CTSS: variants seen among roughly 807,000 people sequenced by gnomAD.
CTSS encodes cathepsin S.
CTSS carries 15 observed loss-of-function variants against 39.9 expected under a neutral mutation model. The ratio of observed to expected loss-of-function variants is 0.38; its 90% CI spans 0.25 to 0.58. CTSS has a LOEUF of 0.58. CTSS is among the 20% of genes least tolerant of loss of function. The pLI is 0.70. For missense variants in CTSS, 250 were observed against 398.2 expected (o/e 0.63, Z 3.17); for synonymous variants, 126 against 138.2 (o/e 0.91, Z 0.62).
chr1:150,764,835 G>A (rs1328081498), intron 1 of CTSS, 71 bp from the exon 2 acceptor site: 11 of 1,559,016 alleles, frequency 7.1e-6, no homozygotes, highest in Non-Finnish European at 9.7e-6. Context: ...GTTTTCATAA[G>A]AGAAAATAAC....
intron 4 of CTSS, among the ~76,000 whole-genome samples, chr1:150,752,740 T>C (rs1653032048): frequency 1.3e-5 from 2 of 152,240 alleles, no homozygotes; most frequent in African/African-American, 4.8e-5. Context: ...ATGTGGTTTA[T>C]TGGGTCTTCT....
Position 150,755,019 on chromosome 1 carries a change from A to AACAC in CTSS, c.377_380dup (p.Thr128CysfsTer3). 6.2e-7 allele frequency: 1 copy of AACAC among 1,614,072 alleles called. No individual in the cohort carries two copies. The highest frequency in any genetic ancestry group is 8.5e-7 in the Non-Finnish European group (1 of 1,179,962). On this transcript the variant is annotated frameshift_variant, in exon 4 of 8. Coordinates refer to ENST00000368985, the MANE Select transcript of CTSS (RefSeq NM_004079.5). LOFTEE classifies it high-confidence loss of function. ...TACTCACTTGATATTTCACTTCAGT[A>AACAC]ACACACCCTTTCTCTCTCCAGTCCA... is the stretch of plus-strand genomic sequence containing the variant.
At chr1:150,742,989 T>C (rs1328008730) in intron 7 of CTSS, among the ~76,000 whole-genome samples, 1 of 152,048 alleles carries the variant, frequency 6.6e-6, no homozygotes, top group African/African-American at 2.4e-5. Context: ...AAATTGGAAG[T>C]TGGACAAGGA....
chr1:150,744,472 A>C (rs1296083774), intron 7 of CTSS, among the ~76,000 whole-genome samples: 2 of 54,998 alleles, frequency 3.6e-5, no homozygotes, highest in African/African-American at 1.3e-4. Flanking sequence ...ATAATATATT[A>C]TATATTATAT....
chr1:150,746,915 G>A (rs937307305), intron 7 of CTSS, among the ~76,000 whole-genome samples: 2 of 152,136 alleles, frequency 1.3e-5, no homozygotes, highest in African/African-American at 4.8e-5. Flanking sequence ...CTCAGTAGAA[G>A]AGTTATAAGC....
intron 6 of CTSS, among the ~76,000 whole-genome samples, 155 bp downstream of exon 6, chr1:150,749,851 C>T (rs988962044): frequency 4.0e-5 from 6 of 151,728 alleles, no homozygotes; most frequent in Non-Finnish European, 7.4e-5. Flanking sequence ...ATAAGGGTCT[C>T]GCGATGTTGC....
intron 6 of CTSS, chr1:150,748,400 C>T (rs587713437): frequency 1.3e-5 from 2 of 152,132 alleles, no homozygotes; most frequent in East Asian, 3.8e-4. Flanking sequence ...TAGCATCACT[C>T]CAGTCATAGT....
At chr1:150,743,751 T>A (rs1276172478) in intron 7 of CTSS, among the ~76,000 whole-genome samples, 10 of 9,396 alleles carry the variant, frequency 1.1e-3, no homozygotes, top group African/African-American at 4.6e-3. Context: ...ATATTATATA[T>A]TATATGTATA....
At chr1:150,743,458 G>A (rs1652810039) in intron 7 of CTSS, among the ~76,000 whole-genome samples, 1 of 144,932 alleles carries the variant, frequency 6.9e-6, no homozygotes, top group Non-Finnish European at 1.5e-5. Flanking sequence ...TGCGGTGGTG[G>A]CTCACGCCTG....
chr1:150,735,901 C>T (rs1343273155), intron 7 of CTSS, among the ~76,000 whole-genome samples: 7 of 151,854 alleles, frequency 4.6e-5, no homozygotes, highest in South Asian at 2.1e-4. Context: ...GAATTACAGG[C>T]GCCCACCACC....
At chr1:150,740,738 T>C (rs1452509815) in intron 7 of CTSS, among the ~76,000 whole-genome samples, 1 of 151,332 alleles carries the variant, frequency 6.6e-6, no homozygotes, top group Non-Finnish European at 1.5e-5. Context: ...TCACTGAAGC[T>C]AGAGTTGAGT....
intron 7 of CTSS, among the ~76,000 whole-genome samples, chr1:150,741,336 A>C (rs980883650): frequency 6.6e-6 from 1 of 152,164 alleles, no homozygotes; most frequent in East Asian, 1.9e-4. Context: ...ATTTATGTGT[A>C]TCTTTTTTCA....
chr1:150,752,066 C>A, intron 4 of CTSS, 58 bp from the exon 5 acceptor site: 2 of 1,574,450 alleles, frequency 1.3e-6, no homozygotes, highest in Non-Finnish European at 1.7e-6. Context: ...GAATGACTTC[C>A]ATAACCCAAA....
intron 2 of CTSS, among the ~76,000 whole-genome samples, chr1:150,759,070 A>G (rs1653198416): frequency 6.9e-6 from 1 of 144,052 alleles, no homozygotes; most frequent in African/African-American, 2.6e-5. Context: ...GGGTCTCCCT[A>G]TGTTGCCTAG....
At chr1:150,750,365 T>C (rs1652984153) in intron 5 of CTSS, among the ~76,000 whole-genome samples, 194 bp from the exon 6 acceptor site, 1 of 152,204 alleles carries the variant, frequency 6.6e-6, no homozygotes, top group South Asian at 2.1e-4. Context: ...ACAGAACTAT[T>C]CTATTCTTTC....
At chr1:150,738,664 C>A (rs1571092625) in intron 7 of CTSS, among the ~76,000 whole-genome samples, 1 of 151,598 alleles carries the variant, frequency 6.6e-6, no homozygotes, top group Non-Finnish European at 1.5e-5. Context: ...AAAAAAAAAA[C>A]TATCTGTAGA....
intron 7 of CTSS, among the ~76,000 whole-genome samples, chr1:150,747,169 G>A (rs1328880772): frequency 6.6e-6 from 1 of 152,184 alleles, no homozygotes; most frequent in Non-Finnish European, 1.5e-5. Context: ...GGAGGTCTCA[G>A]ATGAATCCAT....
chr1:150,764,902 C>G, intron 1 of CTSS, 138 bp from the exon 2 acceptor site: 1 of 980,586 alleles, frequency 1.0e-6, no homozygotes, highest in South Asian at 1.7e-5. Context: ...CAGGAAAATT[C>G]CTGGGATATA....
chr1:150,752,543 T>TA (rs1290369346), intron 4 of CTSS, among the ~76,000 whole-genome samples: 1 of 152,206 alleles, frequency 6.6e-6, no homozygotes, highest in Non-Finnish European at 1.5e-5. Flanking sequence ...GCTTTAGTTT[T>TA]AAAAGGGGCA....
Sources: gnomAD v4.1 joint callset for allele counts (sites outside exome capture counted in the v4.1 genomes callset) on GRCh38, gnomAD v4.1.1 for gene constraint, MANE v1.5 for transcripts, NCBI Gene and HGNC (gene_info 2026-07-23, HGNC 2026-07-21) for gene names.